Variants in MMP1 observed in about 807,000 individuals in gnomAD.
MMP1 encodes the protein interstitial collagenase.
Under a neutral mutation model 49.6 loss-of-function variants are expected in MMP1, and 51 were observed. The observed-to-expected ratio is 1.03, with a 90% confidence interval of 0.82 to 1.30. The LOEUF is 1.30. MMP1 is among the 50% of genes most tolerant of loss of function. MMP1 has a pLI of 0.00. For synonymous variants in MMP1, 230 were observed against 196.8 expected (o/e 1.17, Z -1.41); for missense variants, 623 against 568.7 (o/e 1.10, Z -0.97).
chr11:102,790,047 C>T lies in MMP1; in HGVS notation c.*365G>A, dbSNP rs531240340. 3.1e-5 allele frequency: 5 copies of T among 159,740 alleles called. No homozygotes were observed. The highest frequency in any genetic ancestry group is 4.8e-5 in the African/African-American group (2 of 41,758). The allele number at this position is 159,740 out of a possible 1,614,324, so 9.9% of individuals were successfully genotyped here. On this transcript the variant is annotated 3_prime_UTR_variant, in exon 10 of 10. Transcript: ENST00000315274. ...ATGTGTTCTTGAGCTGCTTTTCCTC[C>T]GGCAAAGACTCATGTCTCCTGTCTC...
At position 102,791,361 on chromosome 11, in the gene MMP1, A is replaced by C; in HGVS notation, c.1168T>G (p.Tyr390Asp). The C allele has an allele frequency of 6.2e-7, 1 of 1,614,020 alleles. No individual in the cohort carries two copies. The highest frequency in any genetic ancestry group is 8.5e-7 in the Non-Finnish European group (1 of 1,179,852). The change falls in exon 8 of 10, where the codon TAC becomes GAC. Residue 390 changes from tyrosine to aspartate, a missense_variant. Physicochemically the swap from Tyr to Asp is radical, Grantham distance 160. Transcript: ENST00000315274. ...CAGTATTTGTTAGCAACAAAGAAGT[A>C]GGTTTTTCCAGTGTTTTCCTCAGAA... ...ALSEENTGKT[Y>D]FFVANKYWRY...
At chr11:102,790,630 G>T in intron 9 of MMP1, 73 bp downstream of exon 9, 2 of 1,361,630 alleles carry the variant, frequency 1.5e-6, no homozygotes, top group Non-Finnish European at 2.1e-6. Flanking sequence ...TTTGGCATTT[G>T]CTGTTCCAAC....
intron 3 of MMP1, 45 bp from the exon 4 acceptor site, chr11:102,796,834 A>G (rs1192142248): frequency 1.3e-6 from 2 of 1,599,886 alleles, no homozygotes; most frequent in South Asian, 2.3e-5. Flanking sequence ...TTCTTATGTA[A>G]GCTAAGCCAG....
At chr11:102,797,938 A>G (rs1858249374) in intron 1 of MMP1, 50 bp downstream of exon 1, 2 of 1,410,310 alleles carry the variant, frequency 1.4e-6, no homozygotes, top group African/African-American at 1.4e-5. Context: ...TACTGCAGAA[A>G]AATACAAACT....
Position 102,794,557 on chromosome 11 carries a change from C to T in MMP1, c.899+617G>A, listed in dbSNP as rs1260479106. On this transcript the variant is annotated intron_variant, in intron 6 of 9. Coordinates refer to ENST00000315274, the MANE Select transcript of MMP1 (RefSeq NM_002421.4). The surrounding 1 kb of genome is among the most constrained non-coding windows in gnomAD (Gnocchi z 4.3). ...AGCACCATGTTGTGGCTGCCCCTAT[C>T]TGTCCCAGGAGGGATTTCATCAGTT... Among the ~76,000 whole-genome samples, 1 of 152,158 alleles carries T rather than the reference C, an allele frequency of 6.6e-6. No individual in the cohort carries two copies. The highest frequency in any genetic ancestry group is 1.5e-5 in the Non-Finnish European group (1 of 68,018).
chr11:102,795,082 A>G, intron 6 of MMP1, 92 bp downstream of exon 6: 1 of 1,027,204 alleles, frequency 9.7e-7, no homozygotes, highest in South Asian at 1.3e-5. Flanking sequence ...ATCAGCATGA[A>G]ATAAGTAACA....
At chr11:102,793,827 G>C (rs1379568723) in intron 6 of MMP1, among the ~76,000 whole-genome samples, 1 of 152,188 alleles carries the variant, frequency 6.6e-6, no homozygotes, top group African/African-American at 2.4e-5. Flanking sequence ...AGACTGTTAT[G>C]TGGGCTGACA....
rs543607513 is a variant in MMP1, at chr11:102,798,154, C to G, written c.-62G>C. On this transcript the variant is annotated 5_prime_UTR_variant, in exon 1 of 10. Coordinates refer to ENST00000315274, the MANE Select transcript of MMP1 (RefSeq NM_002421.4). ...GATGGCTTCCCAGCCTCTTGCTGCT[C>G]CAATATCCCAGCTAGGAAGCTCCCT... 56 of 1,364,292 alleles carry G rather than the reference C, an allele frequency of 4.1e-5. 1 individual carries two copies. The East Asian group carries it at 1.3e-3, about 33-fold the overall frequency. 84.5% of individuals were successfully genotyped at this position (1,364,292 alleles called of 1,614,324 possible).
chr11:102,795,027 G>T, intron 6 of MMP1, 147 bp downstream of exon 6: 1 of 710,492 alleles, frequency 1.4e-6, no homozygotes, highest in Non-Finnish European at 2.5e-6. Context: ...AGTACATTAT[G>T]TTGCACAAAT....
At position 102,794,026 on chromosome 11, in the gene MMP1, C is replaced by T. The variant is rs1858107969; in HGVS notation, c.899+1148G>A. Among the ~76,000 whole-genome samples, 1 of 152,206 alleles carries T rather than the reference C, an allele frequency of 6.6e-6. No individual in the cohort carries two copies. The highest frequency in any genetic ancestry group is 1.5e-5 in the Non-Finnish European group (1 of 68,042). ...AAATGATCTCTGTGTCCTTTCAATT[C>T]TGGCAAATCCTCAAATTGGTCCTGT... On this transcript the variant is annotated intron_variant, in intron 6 of 9. Coordinates refer to ENST00000315274, the MANE Select transcript of MMP1 (RefSeq NM_002421.4). The surrounding 1 kb of genome is among the most constrained non-coding windows in gnomAD (Gnocchi z 4.3).
rs17880645 is a variant in MMP1, at chr11:102,791,989, G to C, written c.1034-494C>G. 3.4e-3 allele frequency among the ~76,000 whole-genome samples: 514 copies of C among 152,234 alleles called. 1 individual carries two copies. The highest frequency in any genetic ancestry group is 0.012 in the African/African-American group (484 of 41,522). ...TGAATTAATGCTGTGTCCAGATTCC[G>C]TGTTTATACTCAGTAAGCCCCTCAT... On this transcript the variant is annotated intron_variant, in intron 7 of 9. Coordinates refer to ENST00000315274, the MANE Select transcript of MMP1 (RefSeq NM_002421.4).
chr11:102,796,633 G>A, intron 4 of MMP1, 31 bp downstream of exon 4: 2 of 1,607,012 alleles, frequency 1.2e-6, no homozygotes, highest in Non-Finnish European at 1.7e-6. Flanking sequence ...AGGGGTGGGA[G>A]AATTGAGAGA....
chr11:102,790,577 C>T, intron 9 of MMP1, 56 bp from the exon 10 acceptor site: 1 of 1,366,436 alleles, frequency 7.3e-7, no homozygotes, highest in Non-Finnish European at 1.0e-6. Flanking sequence ...CTAGGTTTAA[C>T]TTGAATTCTT....
At position 102,794,812 on chromosome 11, in the gene MMP1, A is replaced by G. The variant is rs191778093; in HGVS notation, c.899+362T>C. 3.3e-5 allele frequency among the ~76,000 whole-genome samples: 5 copies of G among 152,326 alleles called. No homozygotes were observed. Among genetic ancestry groups the G allele is most frequent in the Admixed American group, 1.3e-4 (2 of 15,308 alleles). On this transcript the variant is annotated intron_variant, in intron 6 of 9. Coordinates refer to ENST00000315274, the MANE Select transcript of MMP1 (RefSeq NM_002421.4). The surrounding 1 kb of genome is among the most constrained non-coding windows in gnomAD (Gnocchi z 4.3). ...TACTTATCACCATAAAGAGTGGCATAATGAAAAGAGACCTGAAATAGGGAA... is the reference window on the plus strand; with the variant it reads ...TACTTATCACCATAAAGAGTGGCATGATGAAAAGAGACCTGAAATAGGGAA...
rs545342656 is a variant in MMP1, at chr11:102,796,189, T to A, written c.625+475A>T. On this transcript the variant is annotated intron_variant, in intron 4 of 9. Coordinates refer to ENST00000315274, the MANE Select transcript of MMP1 (RefSeq NM_002421.4). ...TGGTGTCAAACTCCTGACGTTGTGA[T>A]CTGCCTGCCTTGGCCTCCCAAAGTG... 3.3e-5 allele frequency among the ~76,000 whole-genome samples: 5 copies of A among 152,346 alleles called. No homozygotes were observed. The South Asian group carries it at 1.0e-3, about 32-fold the overall frequency.
In MMP1 at chr11:102,797,242, C is replaced by T; in HGVS notation, c.350+14G>A. 3 of 1,614,048 alleles carry T rather than the reference C, an allele frequency of 1.9e-6. No homozygotes were observed. Among genetic ancestry groups the T allele is most frequent in the African/African-American group, 1.3e-5 (1 of 75,062 alleles). ...GGGAAATAGCTCTCTCACTCTGGCC[C>T]TCAGTCTGCCTACCTGTAGGTCAGA... On this transcript the variant is annotated intron_variant, in intron 2 of 9. Transcript: ENST00000315274.
At position 102,795,251 on chromosome 11, in the gene MMP1, G is replaced by A. The variant is rs918955218; in HGVS notation, c.822C>T (p.Thr274=). ...TTAGCTTACTGTCACACGCTTTTGG[G>A]GTTTGTGGGCCGATGGGCTGGACAG... ...QNPVQPIGPQ[T]PKACDSKLTF... Residue 274 remains threonine, a synonymous_variant, in exon 6 of 10, where the codon ACC becomes ACT. Transcript: ENST00000315274. 2.5e-6 allele frequency: 4 copies of A among 1,613,962 alleles called. No homozygotes were observed. In the African/African-American group the frequency reaches 4.0e-5, roughly 16 times the overall value.
At chr11:102,795,662 G>A (rs1858168107) in intron 4 of MMP1, 55 bp from the exon 5 acceptor site, 23 of 1,408,414 alleles carry the variant, frequency 1.6e-5, no homozygotes, top group African/African-American at 2.9e-5. Context: ...CAGTTTTGAG[G>A]CATTTAACTA....
Position 102,791,082 on chromosome 11 carries a change from G to C in MMP1, c.1196+251C>G, listed in dbSNP as rs17882844. Among the ~76,000 whole-genome samples, 11,194 of 152,238 alleles carry C rather than the reference G, an allele frequency of 0.074. 499 individuals are homozygous for C. Among genetic ancestry groups the C allele is most frequent in the South Asian group, 0.14 (654 of 4,828 alleles). On this transcript the variant is annotated intron_variant, in intron 8 of 9. Coordinates refer to ENST00000315274, the MANE Select transcript of MMP1 (RefSeq NM_002421.4). ...AGATAAGTAACTTTTGGCCAAAGTA[G>C]CTCCGTTAAGATGAATGTCCTCAAT...
Sources: gnomAD v4.1 joint callset for allele counts (sites outside exome capture counted in the v4.1 genomes callset) on GRCh38, gnomAD v4.1.1 for gene constraint, Gnocchi (gnomAD v3.1) non-coding constraint, MANE v1.5 for transcripts, NCBI Gene and HGNC (gene_info 2026-07-23, HGNC 2026-07-21) for gene names.